Variants in PDE1A observed in about 807,000 individuals in gnomAD.
The protein encoded by PDE1A is phosphodiesterase 1A, also known as dual specificity calcium/calmodulin-dependent 3',5'-cyclic nucleotide phosphodiesterase 1A.
Under a neutral mutation model 61.7 loss-of-function variants are expected in PDE1A, and 35 were observed. That is an observed-to-expected ratio of 0.57 (90% CI 0.43 to 0.75). The LOEUF (loss-of-function observed/expected upper bound fraction) is 0.75. PDE1A is among the 30% of genes least tolerant of loss of function. The pLI, the probability that PDE1A is intolerant of heterozygous loss-of-function variation, is 0.00. For missense variants in PDE1A, 597 were observed against 630.6 expected, an observed-to-expected ratio of 0.95 and a Z score of 0.57; for synonymous variants, 232 against 213.2, an observed-to-expected ratio of 1.09 and a Z score of -0.77.
At chr2:182,286,104 A>C (rs956483497) in intron 1 of PDE1A, among the ~76,000 whole-genome samples, 3 of 152,154 alleles carry the variant, frequency 2.0e-5, no homozygotes, top group Non-Finnish European at 4.4e-5. Flanking sequence ...ATTAATGCTA[A>C]TTTAAGCAAA....
At chr2:182,517,041 G>A (rs367796015) in intron 2 of PDE1A, among the ~76,000 whole-genome samples, 1 of 152,152 alleles carries the variant, frequency 6.6e-6, no homozygotes, top group Admixed American at 6.6e-5. Flanking sequence ...TCTGGAGGGT[G>A]ATAAGTCTGC....
chr2:182,525,688 C>A (rs1258289236), upstream of PDE1A, among the ~76,000 whole-genome samples: 1 of 152,162 alleles, frequency 6.6e-6, no homozygotes, highest in African/African-American at 2.4e-5. Flanking sequence ...CCAATTAAAC[C>A]TCTTTTCTTT....
At chr2:182,382,335 T>C (rs1574502892) in intron 1 of PDE1A, among the ~76,000 whole-genome samples, 1 of 152,144 alleles carries the variant, frequency 6.6e-6, no homozygotes, top group Non-Finnish European at 1.5e-5. Flanking sequence ...ATGGAAGGGC[T>C]CAAGAACAAG....
the PDE1A span, among the ~76,000 whole-genome samples, chr2:182,630,908 A>G: frequency 6.6e-6 from 1 of 152,010 alleles, no homozygotes. Context: ...TTTAATATTT[A>G]TTAACTTAAT....
intron 1 of PDE1A, among the ~76,000 whole-genome samples, chr2:182,329,991 A>G (rs1185574259): frequency 6.6e-6 from 1 of 152,028 alleles, no homozygotes; most frequent in Non-Finnish European, 1.5e-5. Flanking sequence ...TGAACCTCAA[A>G]TTACCATCTG....
chr2:182,541,244 G>GA, the PDE1A span, among the ~76,000 whole-genome samples: 1 of 152,170 alleles, frequency 6.6e-6, no homozygotes, highest in Admixed American at 6.5e-5. Flanking sequence ...TGATGCAGTA[G>GA]AATCAGTGCT....
At chr2:182,565,918 T>TAAGC in the PDE1A span, among the ~76,000 whole-genome samples, 1 of 152,150 alleles carries the variant, frequency 6.6e-6, no homozygotes, top group Non-Finnish European at 1.5e-5. Flanking sequence ...ACTACCCTGA[T>TAAGC]AAGCTTTCAT....
At chr2:182,210,618 G>C (rs1687504539) in intron 7 of PDE1A, among the ~76,000 whole-genome samples, 2 of 151,988 alleles carry the variant, frequency 1.3e-5, no homozygotes, top group African/African-American at 4.8e-5. Context: ...TTAGTCTCTT[G>C]ATAGTGTCTT....
chr2:182,184,505 A>G (rs1239539184), intron 13 of PDE1A, among the ~76,000 whole-genome samples: 1 of 152,186 alleles, frequency 6.6e-6, no homozygotes, highest in Non-Finnish European at 1.5e-5. Flanking sequence ...AATAAAAGTA[A>G]GATACAGACA....
At chr2:182,568,117 T>C in the PDE1A span, among the ~76,000 whole-genome samples, 1 of 152,156 alleles carries the variant, frequency 6.6e-6, no homozygotes, top group African/African-American at 2.4e-5. Context: ...GTTTAAGTTT[T>C]CTAAATAACT....
intron 2 of PDE1A, among the ~76,000 whole-genome samples, chr2:182,520,578 C>G (rs1472035989): frequency 6.6e-6 from 1 of 151,942 alleles, no homozygotes; most frequent in Non-Finnish European, 1.5e-5. Flanking sequence ...CCAACTGATA[C>G]AGTGAGTCAG....
the PDE1A span, among the ~76,000 whole-genome samples, chr2:182,546,481 C>T: frequency 6.6e-6 from 1 of 151,914 alleles, no homozygotes; most frequent in Non-Finnish European, 1.5e-5. Context: ...TCAAAAGGCC[C>T]CTATAAGGCC....
rs77425174 is a variant in PDE1A, at chr2:182,494,560, T to C, written c.101+27716A>G. ...CTTCCCATTGTCCCTTCACACTCTCTGGATTTCTTTGTCTCCACCCCTGGA... is the reference window on the plus strand; with the variant it reads ...CTTCCCATTGTCCCTTCACACTCTCCGGATTTCTTTGTCTCCACCCCTGGA... On this transcript the variant is annotated intron_variant, in intron 2 of 14. Coordinates refer to the PDE1A transcript ENST00000410103. Among the ~76,000 whole-genome samples, 248 of 120,328 alleles carry C rather than the reference T, an allele frequency of 2.1e-3. 1 individual carries two copies. Among genetic ancestry groups the C allele is most frequent in the African/African-American group, 7.2e-3 (240 of 33,256 alleles). 78.9% of individuals were successfully genotyped at this position (120,328 alleles called of 152,430 possible).
Position 182,189,815 on chromosome 2 carries a change from G to A in PDE1A, c.1126-755C>T, listed in dbSNP as rs1367610064. 2.0e-5 allele frequency among the ~76,000 whole-genome samples: 3 copies of A among 152,140 alleles called. No homozygotes were observed. The East Asian group carries it at 5.8e-4, about 29-fold the overall frequency. ...ATATCACAAGGTTTATTAAACTTTG[G>A]TTCTTTCCTTTGCATTAAAGGGGAT... On this transcript the variant is annotated intron_variant, in intron 10 of 13. Coordinates refer to ENST00000351439, the Ensembl canonical transcript of PDE1A.
chr2:182,476,551 A>G (rs1687377585), intron 2 of PDE1A, among the ~76,000 whole-genome samples: 1 of 151,952 alleles, frequency 6.6e-6, no homozygotes, highest in Non-Finnish European at 1.5e-5. Flanking sequence ...TTCATAATGC[A>G]CACATTATTT....
the PDE1A span, among the ~76,000 whole-genome samples, chr2:182,588,768 G>C: frequency 6.6e-6 from 1 of 152,108 alleles, no homozygotes; most frequent in African/African-American, 2.4e-5. Context: ...TTTTAGCCGG[G>C]CGCTATGGCT....
chr2:182,571,090 T>A, the PDE1A span, among the ~76,000 whole-genome samples: 1 of 152,198 alleles, frequency 6.6e-6, no homozygotes, highest in Non-Finnish European at 1.5e-5. Flanking sequence ...AATACTCATA[T>A]GAAGATTAGA....
In PDE1A at chr2:182,170,560, T is replaced by C. The variant is rs555009038; in HGVS notation, c.1517-2270A>G. ...CATAGCTATACCATATAATTTTCTG[T>C]GTGCTATATGAAACCGTGAAAAGAA... On this transcript the variant is annotated intron_variant, in intron 13 of 13. Coordinates refer to ENST00000351439, the Ensembl canonical transcript of PDE1A. Among the ~76,000 whole-genome samples the C allele has an allele frequency of 8.5e-5, 13 of 152,150 alleles. No individual in the cohort carries two copies. In the South Asian group the frequency reaches 2.7e-3, roughly 32 times the overall value.
the PDE1A span, among the ~76,000 whole-genome samples, chr2:182,596,307 G>C: frequency 1.3e-5 from 2 of 152,126 alleles, no homozygotes; most frequent in Non-Finnish European, 2.9e-5. Context: ...CAGGCAAAGG[G>C]GAGTCCGAAG....
Sources: gnomAD v4.1 joint callset for allele counts (sites outside exome capture counted in the v4.1 genomes callset) on GRCh38, gnomAD v4.1.1 for gene constraint, MANE v1.5 for transcripts, NCBI Gene and HGNC (gene_info 2026-07-23, HGNC 2026-07-21) for gene names.